Variants in SEMA6D observed in about 807,000 individuals in gnomAD.
SEMA6D encodes the protein semaphorin 6D.
SEMA6D carries 35 observed loss-of-function variants against 106.6 expected under a neutral mutation model. The ratio of observed to expected loss-of-function variants is 0.33; its 90% CI spans 0.25 to 0.44. The LOEUF (loss-of-function observed/expected upper bound fraction) is 0.44, where lower values mean the gene tolerates loss of function less well. Among genes scored for constraint, SEMA6D ranks in the 20% least tolerant of loss-of-function variants. The pLI, the probability that SEMA6D is intolerant of heterozygous loss-of-function variation, is 1.00. For synonymous variants in SEMA6D, 499 were observed against 487.7 expected (o/e 1.02, Z -0.31); for missense variants, 1,185 against 1,345.9 (o/e 0.88, Z 1.87).
chr15:47,605,979 G>A (rs1329504105), intron 4 of SEMA6D, among the ~76,000 whole-genome samples: 1 of 152,114 alleles, frequency 6.6e-6, no homozygotes, highest in Non-Finnish European at 1.5e-5. Context: ...TGAGGGTTGG[G>A]GCTGAAAGCT....
At chr15:47,591,966 C>T (rs2076448042) in intron 3 of SEMA6D, among the ~76,000 whole-genome samples, 1 of 152,090 alleles carries the variant, frequency 6.6e-6, no homozygotes, top group African/African-American at 2.4e-5. Context: ...CACCACAAGA[C>T]CCCAGCATCT....
At chr15:47,764,584 A>T in intron 11 of SEMA6D, 54 bp from the exon 12 acceptor site, 13 of 1,601,936 alleles carry the variant, frequency 8.1e-6, no homozygotes, top group Non-Finnish European at 1.0e-5. Context: ...TAGATACAGT[A>T]CATGGTGTGG....
chr15:47,497,740 C>CA (rs2043715285), intron 3 of SEMA6D, among the ~76,000 whole-genome samples: 1 of 152,076 alleles, frequency 6.6e-6, no homozygotes, highest in African/African-American at 2.4e-5. Context: ...CCACCTTCTG[C>CA]TATAACTAGT....
intron 1 of SEMA6D, among the ~76,000 whole-genome samples, chr15:47,201,384 A>C (rs1389651628): frequency 6.6e-6 from 1 of 152,206 alleles, no homozygotes; most frequent in Non-Finnish European, 1.5e-5. Flanking sequence ...TAATGCTTTC[A>C]AGACAAGGAA....
At chr15:47,470,389 T>C (rs1465741834) in intron 2 of SEMA6D, 1 of 146,662 alleles carries the variant, frequency 6.8e-6, no homozygotes, top group Non-Finnish European at 1.5e-5. Context: ...TTTCTCTTTT[T>C]TTAGTAGTCT....
chr15:47,756,070 A>G (rs1360138838), intron 1 of SEMA6D, among the ~76,000 whole-genome samples: 1 of 152,034 alleles, frequency 6.6e-6, no homozygotes, highest in African/African-American at 2.4e-5. Flanking sequence ...AATGTATGGG[A>G]GAAGTTCATA....
chr15:47,686,571 T>C (rs983615407), intron 4 of SEMA6D, among the ~76,000 whole-genome samples: 1 of 152,230 alleles, frequency 6.6e-6, no homozygotes, highest in Non-Finnish European at 1.5e-5. Flanking sequence ...AATTTACTCT[T>C]ACCAAACTTG....
chr15:47,384,814 GTTTTTTTTTTTT>G (rs1168068495), intron 1 of SEMA6D, among the ~76,000 whole-genome samples: 22 of 65,698 alleles, frequency 3.3e-4, no homozygotes, highest in South Asian at 1.8e-3. Flanking sequence ...GATTACTAAA[GTTTTTTTTTTTT>G]TTTTTTTTTT....
At chr15:47,713,842 T>G (rs2079063503), upstream of SEMA6D, among the ~76,000 whole-genome samples, 1 of 152,230 alleles carries the variant, frequency 6.6e-6, no homozygotes, top group Admixed American at 6.5e-5. Context: ...AAACCTATTG[T>G]GTAGCATGGA....
intron 3 of SEMA6D, among the ~76,000 whole-genome samples, chr15:47,519,435 T>A (rs2044499259): frequency 6.6e-6 from 1 of 152,340 alleles, no homozygotes; most frequent in African/African-American, 2.4e-5. Flanking sequence ...AGAGCATTAC[T>A]GTAATTGTTT....
chr15:47,510,513 T>C (rs1264826897), intron 3 of SEMA6D, among the ~76,000 whole-genome samples: 1 of 152,226 alleles, frequency 6.6e-6, no homozygotes, highest in Non-Finnish European at 1.5e-5. Context: ...TCACCAAATA[T>C]GTGCCAGCCC....
intron 1 of SEMA6D, among the ~76,000 whole-genome samples, chr15:47,345,645 A>G (rs565085): frequency 0.48 from 72,692 of 152,048 alleles, 20,714 homozygotes; most frequent in South Asian, 0.62. Flanking sequence ...CCTTGAGTTA[A>G]GCAAAGATTT....
At position 47,529,687 on chromosome 15, in the gene SEMA6D, G is replaced by A. The variant is rs190725582; in HGVS notation, c.-87+59142G>A. Among the ~76,000 whole-genome samples, 36 of 150,770 alleles carry A rather than the reference G, an allele frequency of 2.4e-4. 1 individual carries two copies. Among genetic ancestry groups the A allele is most frequent in the African/African-American group, 8.0e-4 (33 of 41,032 alleles). ...AATTTATTTTCTCAATATTTAATTAGTGATGGCTCCACTAGCCCTATTTGG... is the reference window on the plus strand; with the variant it reads ...AATTTATTTTCTCAATATTTAATTAATGATGGCTCCACTAGCCCTATTTGG... On this transcript the variant is annotated intron_variant, in intron 3 of 19. Coordinates refer to the SEMA6D transcript ENST00000558014.
chr15:47,348,719 C>CGAGAGAGAGAGAGAG (rs1567016651), intron 1 of SEMA6D, among the ~76,000 whole-genome samples: 2 of 19,162 alleles, frequency 1.0e-4, no homozygotes, highest in Admixed American at 9.3e-4. Flanking sequence ...ACACACACAC[C>CGAGAGAGAGAGAGAG]ACACACACAG....
At chr15:47,625,650 G>A (rs1170938731) in intron 4 of SEMA6D, among the ~76,000 whole-genome samples, 6 of 151,656 alleles carry the variant, frequency 4.0e-5, no homozygotes, top group Admixed American at 2.0e-4. Context: ...TGAGAGGATC[G>A]CTATACCCCA....
At chr15:47,659,460 G>T (rs951117009) in intron 4 of SEMA6D, among the ~76,000 whole-genome samples, 1 of 151,866 alleles carries the variant, frequency 6.6e-6, no homozygotes, top group Middle Eastern at 3.4e-3. Context: ...ATAGATATAT[G>T]AATCAAATGT....
intron 4 of SEMA6D, among the ~76,000 whole-genome samples, chr15:47,701,433 A>G (rs765865569): frequency 3.9e-5 from 6 of 152,196 alleles, no homozygotes; most frequent in Non-Finnish European, 7.3e-5. Flanking sequence ...TACGTTCACT[A>G]TATTTATTGT....
At chr15:47,506,598 A>AC (rs1491355501) in intron 3 of SEMA6D, among the ~76,000 whole-genome samples, 14,910 of 143,158 alleles carry the variant, frequency 0.1, 1,043 homozygotes, top group East Asian at 0.34. Context: ...ACACACACAC[A>AC]AACACACACA....
intron 1 of SEMA6D, among the ~76,000 whole-genome samples, chr15:47,269,363 A>G (rs1029707900): frequency 1.3e-5 from 2 of 152,020 alleles, no homozygotes; most frequent in Admixed American, 1.3e-4. Flanking sequence ...AATGTAGCTC[A>G]TTAAAAAAAA....
Sources: allele counts gnomAD v4.1 joint callset (sites outside exome capture counted in the v4.1 genomes callset), GRCh38; gene constraint gnomAD v4.1.1; transcripts MANE v1.5; gene names NCBI Gene and HGNC (gene_info 2026-07-23, HGNC 2026-07-21).